ABCA9: variants seen among roughly 807,000 people sequenced by gnomAD.
The protein encoded by ABCA9 is ATP binding cassette subfamily A member 9, also known as ATP-binding cassette sub-family A member 9.
ABCA9 carries 183 observed loss-of-function variants against 205.3 expected under a neutral mutation model. The ratio of observed to expected loss-of-function variants is 0.89; its 90% confidence interval spans 0.79 to 1.01. ABCA9 has a LOEUF of 1.01. Among genes scored for constraint, ABCA9 ranks in the 50% least tolerant of loss-of-function variants. The pLI is 0.00. For missense variants in ABCA9, 1,805 were observed against 1,912.4 expected, an observed-to-expected ratio of 0.94 and a Z score of 1.05; for synonymous variants, 651 against 683.3, an observed-to-expected ratio of 0.95 and a Z score of 0.74.
chr17:69,075,619 T>C, the ABCA9 span, among the ~76,000 whole-genome samples: 1 of 152,190 alleles, frequency 6.6e-6, no homozygotes, highest in Non-Finnish European at 1.5e-5. Flanking sequence ...TTTGTACAAG[T>C]ATCATGCTGT....
chr17:69,020,568 T>G lies in ABCA9; in HGVS notation c.2420A>C (p.Gln807Pro). Reference sequence around the variant, plus strand: ...ATCTTTTGCCCCATCAGTTTGTAATTGTCCCCAAATTCCAATATCTAAAAC... The same window carrying G: ...ATCTTTTGCCCCATCAGTTTGTAATGGTCCCCAAATTCCAATATCTAAAAC... ...IDESDIGIWG[Q>P]LQTDGAKDIG... The change falls in exon 19 of 39, where the codon CAA becomes CCA. Residue 807 changes from glutamine (Q) to proline (P), a missense_variant. Coordinates refer to ENST00000340001, the MANE Select transcript of ABCA9 (RefSeq NM_080283.4). The G allele has an allele frequency of 6.2e-7, 1 of 1,613,642 alleles. No individual in the cohort carries two copies. The highest frequency in any genetic ancestry group is 8.5e-7 in the Non-Finnish European group (1 of 1,179,714).
At chr17:69,001,664 A>G (rs1169861585) in intron 25 of ABCA9, among the ~76,000 whole-genome samples, 4 of 150,466 alleles carry the variant, frequency 2.7e-5, no homozygotes, top group Non-Finnish European at 4.5e-5. Flanking sequence ...CTCTTTTTCT[A>G]TTGATTGGAA....
Position 69,016,017 on chromosome 17 carries a change from T to C in ABCA9, c.3039+236A>G, listed in dbSNP as rs1468160237. 2.0e-5 allele frequency among the ~76,000 whole-genome samples: 3 copies of C among 151,102 alleles called. No individual in the cohort carries two copies. The East Asian group carries it at 5.8e-4, about 29-fold the overall frequency. On this transcript the variant is annotated intron_variant, in intron 22 of 38. Coordinates refer to ENST00000340001, the MANE Select transcript of ABCA9 (RefSeq NM_080283.4). ...TGTGTTATAATGTTGCGTGGTCATT[T>C]CTAAATTGTGTGTGTGTATGTATAT...
upstream of ABCA9, among the ~76,000 whole-genome samples, chr17:69,065,654 C>G (rs1041921285): frequency 6.6e-6 from 1 of 152,122 alleles, no homozygotes; most frequent in African/African-American, 2.4e-5. Flanking sequence ...TCTCTGGTGA[C>G]TACAACTATC....
At chr17:69,048,429 G>A (rs898994781) in intron 3 of ABCA9, among the ~76,000 whole-genome samples, 1 of 150,464 alleles carries the variant, frequency 6.6e-6, no homozygotes, top group Non-Finnish European at 1.5e-5. Context: ...ATGGACTTAC[G>A]CCACATTGGC....
chr17:69,046,980 G>C (rs1436869799), intron 3 of ABCA9, among the ~76,000 whole-genome samples: 1 of 147,374 alleles, frequency 6.8e-6, no homozygotes, highest in Non-Finnish European at 1.5e-5. Context: ...TTGTGTTTTT[G>C]AGATGGACTT....
chr17:68,999,226 C>T (rs957685904), intron 25 of ABCA9, among the ~76,000 whole-genome samples: 4 of 145,298 alleles, frequency 2.8e-5, no homozygotes, highest in African/African-American at 7.6e-5. Flanking sequence ...GCTGCACCCA[C>T]TAACTCGTCA....
intron 3 of ABCA9, among the ~76,000 whole-genome samples, chr17:69,046,992 C>T (rs2071740364): frequency 6.7e-6 from 1 of 148,816 alleles, no homozygotes; most frequent in Non-Finnish European, 1.5e-5. Context: ...GATGGACTTT[C>T]ACTCTGTCAC....
chr17:69,058,109 C>T (rs2072125892), intron 1 of ABCA9, among the ~76,000 whole-genome samples: 1 of 152,142 alleles, frequency 6.6e-6, no homozygotes, highest in African/African-American at 2.4e-5. Context: ...ACAAACCCAA[C>T]ATTCTAGGAT....
intron 16 of ABCA9, 64 bp from the exon 17 acceptor site, chr17:69,024,417 T>G: frequency 7.1e-7 from 1 of 1,401,580 alleles, no homozygotes; most frequent in Non-Finnish European, 9.5e-7. Context: ...ATTTCCTAAT[T>G]ATGTAGTATG....
At position 69,043,561 on chromosome 17, in the gene ABCA9, A is replaced by C. The variant is rs758820062; in HGVS notation, c.728T>G (p.Val243Gly). The change falls in exon 6 of 39, where the codon GTC (valine) becomes GGC (glycine). Residue 243 changes from valine to glycine, a missense_variant. Coordinates refer to ENST00000340001, the MANE Select transcript of ABCA9 (RefSeq NM_080283.4). The part of the protein sequence containing the change: ...SFSTFIYYVS[V>G]NVTQERQYIT... ...GTATTGTCTTTCTTGTGTAACATTG[A>C]CTGATACATAGTATATAAATGTAGA... 4 of 1,611,474 alleles carry C rather than the reference A, an allele frequency of 2.5e-6. No individual in the cohort carries two copies. In the Admixed American group the frequency reaches 6.7e-5, roughly 27 times the overall value.
intron 6 of ABCA9, among the ~76,000 whole-genome samples, chr17:69,037,398 AGG>A (rs1252423253): frequency 7.9e-5 from 12 of 152,358 alleles, no homozygotes; most frequent in African/African-American, 2.9e-4. Flanking sequence ...ATAAGAACTC[AGG>A]ATTAAGAAAT....
At chr17:68,999,455 C>T (rs2069759916) in intron 25 of ABCA9, among the ~76,000 whole-genome samples, 1 of 141,222 alleles carries the variant, frequency 7.1e-6, no homozygotes, top group Non-Finnish European at 1.5e-5. Context: ...AGGACATGAA[C>T]TCATCATTTT....
the ABCA9 span, among the ~76,000 whole-genome samples, chr17:69,077,309 T>C: frequency 6.6e-6 from 1 of 152,304 alleles, no homozygotes; most frequent in South Asian, 2.1e-4. Context: ...TCCATGTAAT[T>C]CCATGATTTG....
intron 25 of ABCA9, among the ~76,000 whole-genome samples, chr17:69,005,591 A>G (rs2070098532): frequency 6.6e-6 from 1 of 152,228 alleles, no homozygotes; most frequent in Non-Finnish European, 1.5e-5. Flanking sequence ...GACTTAGGAA[A>G]AGCTCCGTAT....
At chr17:69,000,732 C>G (rs2069831001) in intron 25 of ABCA9, among the ~76,000 whole-genome samples, 1 of 151,504 alleles carries the variant, frequency 6.6e-6, no homozygotes, top group African/African-American at 2.4e-5. Context: ...TGGCCATTTT[C>G]ACAATATTGA....
chr17:69,011,532 A>G (rs2070373885), intron 23 of ABCA9, among the ~76,000 whole-genome samples: 1 of 152,120 alleles, frequency 6.6e-6, no homozygotes, highest in African/African-American at 2.4e-5. Flanking sequence ...GGCTCCTCGA[A>G]TTTTATTTTT....
At chr17:68,982,113 C>T (rs2069074912) in intron 37 of ABCA9, among the ~76,000 whole-genome samples, 1 of 152,160 alleles carries the variant, frequency 6.6e-6, no homozygotes, top group Non-Finnish European at 1.5e-5. Flanking sequence ...GGCTATAAAA[C>T]AATACATAGA....
At chr17:69,052,656 T>G (rs1214335416) in intron 1 of ABCA9, among the ~76,000 whole-genome samples, 2 of 152,204 alleles carry the variant, frequency 1.3e-5, no homozygotes, top group African/African-American at 4.8e-5. Flanking sequence ...CAGTTCTCTG[T>G]GGACACCAAC....
Sources: allele counts gnomAD v4.1 joint callset (sites outside exome capture counted in the v4.1 genomes callset), GRCh38; gene constraint gnomAD v4.1.1; transcripts MANE v1.5; gene names NCBI Gene and HGNC (gene_info 2026-07-23, HGNC 2026-07-21).